CNOT1: variants seen among roughly 807,000 people sequenced by gnomAD.
The protein encoded by CNOT1 is CCR4-NOT transcription complex subunit 1.
In CNOT1, 15 loss-of-function variants were observed where a neutral mutation model predicts 273.8. The ratio of observed to expected loss-of-function variants is 0.05; its 90% CI spans 0.04 to 0.08. CNOT1 has a LOEUF of 0.08. Ranked by LOEUF, CNOT1 falls within the 10% of genes least tolerant of loss-of-function variation. The pLI is 1.00. For missense variants in CNOT1, 1,644 were observed against 2,912.2 expected, an observed-to-expected ratio of 0.56 and a Z score of 10.02; for synonymous variants, 1,022 against 1,005.5, an observed-to-expected ratio of 1.02 and a Z score of -0.31.
intron 44 of CNOT1, among the ~76,000 whole-genome samples, chr16:58,526,841 T>C (rs913881913): frequency 7.9e-6 from 1 of 127,254 alleles, no homozygotes; most frequent in Non-Finnish European, 1.6e-5. Flanking sequence ...AAAAAAAAAA[T>C]GCATGTGTCA....
intron 1 of CNOT1, among the ~76,000 whole-genome samples, chr16:58,609,529 T>C (rs540231593): frequency 6.6e-6 from 1 of 152,188 alleles, no homozygotes; most frequent in East Asian, 1.9e-4. Context: ...AATGGCATGA[T>C]CATGGCTGAT....
At chr16:58,568,663 G>A (rs966826047) in intron 16 of CNOT1, among the ~76,000 whole-genome samples, 1 of 151,718 alleles carries the variant, frequency 6.6e-6, no homozygotes, top group Non-Finnish European at 1.5e-5. Flanking sequence ...CTGGGCGACA[G>A]AGCGAGACTC....
At chr16:58,526,660 C>T (rs1465021361) in intron 44 of CNOT1, among the ~76,000 whole-genome samples, 1 of 151,754 alleles carries the variant, frequency 6.6e-6, no homozygotes, top group Non-Finnish European at 1.5e-5. Flanking sequence ...CCCATCTCTA[C>T]TAAAAATATA....
chr16:58,627,079 G>A (rs2043614751), intron 1 of CNOT1, among the ~76,000 whole-genome samples: 1 of 151,996 alleles, frequency 6.6e-6, no homozygotes, highest in Non-Finnish European at 1.5e-5. Flanking sequence ...TACACAGAAA[G>A]AAATAATCAA....
chr16:58,572,539 G>C (rs900761420), intron 16 of CNOT1, among the ~76,000 whole-genome samples: 2 of 151,828 alleles, frequency 1.3e-5, no homozygotes, highest in South Asian at 4.1e-4. Context: ...GAGTTTGAGG[G>C]GGGAGGTGGA....
At chr16:58,548,657 T>C in intron 25 of CNOT1, 1 of 515,678 alleles carries the variant, frequency 1.9e-6, no homozygotes, top group Non-Finnish European at 3.9e-6. Context: ...ATGACCCAAG[T>C]TATTGAGCAA....
chr16:58,595,046 G>A (rs1173897953), intron 2 of CNOT1, among the ~76,000 whole-genome samples: 2 of 151,696 alleles, frequency 1.3e-5, no homozygotes, highest in African/African-American at 4.8e-5. Context: ...CCCGGGAGGC[G>A]GAGGTTACAG....
chr16:58,579,527 C>T (rs9926577), intron 12 of CNOT1, among the ~76,000 whole-genome samples: 114,580 of 152,042 alleles, frequency 0.75, 43,584 homozygotes, highest in Middle Eastern at 0.86. Flanking sequence ...ACTATATACA[C>T]TAGACTCATA....
At chr16:58,612,845 T>A (rs1420958639) in intron 1 of CNOT1, among the ~76,000 whole-genome samples, 1 of 152,202 alleles carries the variant, frequency 6.6e-6, no homozygotes, top group Non-Finnish European at 1.5e-5. Context: ...AAATCTTAGT[T>A]ATAACTATTG....
rs1037702448 is a variant in CNOT1 at position 58,555,231 on chromosome 16, C to G, written c.2891+20G>C. On this transcript the variant is annotated intron_variant, in intron 21 of 48. Transcript: ENST00000317147. ...GCGGGGTCAGGGAAGAGATCCTTCACAGGAAACCTATCCACTTACCTGTTT... is the reference window on the plus strand; with the variant it reads ...GCGGGGTCAGGGAAGAGATCCTTCAGAGGAAACCTATCCACTTACCTGTTT... 3.7e-6 allele frequency: 6 copies of G among 1,611,568 alleles called. No homozygotes were observed. Among genetic ancestry groups the G allele is most frequent in the Non-Finnish European group, 4.2e-6 (5 of 1,178,704 alleles).
At chr16:58,609,157 A>G (rs576845163) in intron 1 of CNOT1, among the ~76,000 whole-genome samples, 1,754 of 152,238 alleles carry the variant, frequency 0.012, 22 homozygotes, top group Non-Finnish European at 0.017. Flanking sequence ...GTGGATCACG[A>G]GGTCAGGAGT....
rs571431461 is a variant in CNOT1, at chr16:58,568,140, G to T, written c.1979+6469C>A. On this transcript the variant is annotated intron_variant, in intron 16 of 48. Coordinates refer to ENST00000317147, the MANE Select transcript of CNOT1 (RefSeq NM_016284.5). ...GTAATCTCAGTACTTTGGGAGGCGG[G>T]CGAATCACCTGAGGTCGGGAGTTTG... Among the ~76,000 whole-genome samples the T allele has an allele frequency of 8.5e-3, 1,288 of 152,002 alleles. 8 individuals are homozygous for T. The highest frequency in any genetic ancestry group is 0.025 in the Middle Eastern group (7 of 284).
chr16:58,571,417 G>A (rs1218002708), intron 16 of CNOT1, among the ~76,000 whole-genome samples: 1 of 151,966 alleles, frequency 6.6e-6, no homozygotes, highest in African/African-American at 2.4e-5. Context: ...AAAATTAGCT[G>A]GAAATGGTGG....
At chr16:58,578,612 A>AC in intron 13 of CNOT1, 87 bp downstream of exon 13, 1 of 1,523,814 alleles carries the variant, frequency 6.6e-7, no homozygotes. Context: ...GATGTAAAAA[A>AC]AAATTTCTCT....
chr16:58,532,460 T>G (rs1199920582), intron 40 of CNOT1, 65 bp from the exon 41 acceptor site: 1 of 1,568,766 alleles, frequency 6.4e-7, no homozygotes, highest in Admixed American at 1.8e-5. Context: ...TTCGATGTCA[T>G]GCTTTTTAAA....
At chr16:58,562,257 G>C (rs2040877265) in intron 16 of CNOT1, among the ~76,000 whole-genome samples, 1 of 151,700 alleles carries the variant, frequency 6.6e-6, no homozygotes, top group Non-Finnish European at 1.5e-5. Flanking sequence ...CCAGCACTTT[G>C]GGAGGGAGGC....
chr16:58,605,505 CAAAAT>C (rs1323092846), intron 1 of CNOT1, among the ~76,000 whole-genome samples: 1 of 151,810 alleles, frequency 6.6e-6, no homozygotes, highest in Admixed American at 6.6e-5. Flanking sequence ...GACTCTGTCT[CAAAAT>C]AAAATAAAAT....
intron 44 of CNOT1, 100 bp downstream of exon 44, chr16:58,528,375 G>A: frequency 1.2e-6 from 1 of 805,892 alleles, no homozygotes; most frequent in Non-Finnish European, 2.2e-6. Flanking sequence ...CTAATAGTGT[G>A]CGTGTTATGT....
At chr16:58,622,859 A>AG (rs1309361526) in intron 1 of CNOT1, among the ~76,000 whole-genome samples, 57 of 151,916 alleles carry the variant, frequency 3.8e-4, no homozygotes, top group Non-Finnish European at 7.7e-4. Context: ...AAAAAAAAAA[A>AG]AAAGAAAGAA....
Sources: gnomAD v4.1 joint callset for allele counts (sites outside exome capture counted in the v4.1 genomes callset) on GRCh38, gnomAD v4.1.1 for gene constraint, MANE v1.5 for transcripts, NCBI Gene and HGNC (gene_info 2026-07-23, HGNC 2026-07-21) for gene names.